SEC11A: variants seen among roughly 807,000 people sequenced by gnomAD.
SEC11A encodes the protein signal peptidase complex catalytic subunit SEC11A.
SEC11A carries 14 observed loss-of-function variants against 25.6 expected under a neutral mutation model. That is an observed-to-expected ratio of 0.55 (90% CI 0.36 to 0.85). SEC11A has a LOEUF of 0.85. Ranked by LOEUF, SEC11A falls within the 40% of genes least tolerant of loss-of-function variation. The probability of loss-of-function intolerance (pLI) is 0.01; values close to 1 mark genes in which losing one functional copy is unlikely to be tolerated. For missense variants in SEC11A, 153 were observed against 222.9 expected (o/e 0.69, Z 2.00); for synonymous variants, 83 against 76.4 (o/e 1.09, Z -0.45).
At chr15:84,694,991 G>A (rs1204710901) in intron 1 of SEC11A, among the ~76,000 whole-genome samples, 1 of 149,032 alleles carries the variant, frequency 6.7e-6, no homozygotes, top group Non-Finnish European at 1.5e-5. Flanking sequence ...TCGGGAGGCT[G>A]AGGCAGGAGA....
rs202238874 is a variant in SEC11A at position 84,670,023 on chromosome 15, T to A, written c.536A>T (p.Glu179Val). The A allele has an allele frequency of 6.2e-7, 1 of 1,613,680 alleles. No homozygotes were observed. The part of the protein sequence containing the change: ...LLGLFVLVHR[E>V] ...AGGAACAGCAAGGCAGGCTTCTTACTCACGATGAACCAGCACGAATAAACC... is the reference window on the plus strand; with the variant it reads ...AGGAACAGCAAGGCAGGCTTCTTACACACGATGAACCAGCACGAATAAACC... The change falls in exon 6 of 6, where the codon GAG becomes GTG. Residue 179 changes from glutamate (E) to valine (V), a missense_variant. Glu to Val is a moderately radical substitution (Grantham distance 121). Transcript: ENST00000268220.
chr15:84,707,998 A>T (rs1898146834), intron 1 of SEC11A, among the ~76,000 whole-genome samples: 2 of 152,142 alleles, frequency 1.3e-5, no homozygotes, highest in African/African-American at 4.8e-5. Flanking sequence ...ACTTGAGGTC[A>T]GGAGTTCAAG....
At chr15:84,707,647 G>A (rs1357655878) in intron 1 of SEC11A, among the ~76,000 whole-genome samples, 1 of 152,132 alleles carries the variant, frequency 6.6e-6, no homozygotes, top group East Asian at 1.9e-4. Context: ...TCTTCCTTGA[G>A]CAGAAAAGAT....
At chr15:84,706,771 A>C (rs1168910106) in intron 1 of SEC11A, among the ~76,000 whole-genome samples, 2 of 152,252 alleles carry the variant, frequency 1.3e-5, no homozygotes, top group Non-Finnish European at 2.9e-5. Context: ...TGGTTAAGCT[A>C]GAAGTAGGTT....
chr15:84,674,703 T>G (rs867376051), intron 4 of SEC11A, among the ~76,000 whole-genome samples: 4 of 152,138 alleles, frequency 2.6e-5, no homozygotes, highest in Middle Eastern at 3.4e-3. Flanking sequence ...GGACTACAAG[T>G]GCACGCCACC....
At chr15:84,675,771 AAAG>A (rs1229411355) in intron 4 of SEC11A, among the ~76,000 whole-genome samples, 3 of 152,232 alleles carry the variant, frequency 2.0e-5, no homozygotes, top group African/African-American at 7.2e-5. Flanking sequence ...CTGAGTTTAG[AAAG>A]AAATCACCTT....
chr15:84,687,491 G>T, intron 3 of SEC11A, 134 bp downstream of exon 3: 1 of 590,654 alleles, frequency 1.7e-6, no homozygotes, highest in Non-Finnish European at 2.8e-6. Flanking sequence ...AAACTTTCCA[G>T]CATTCATAAA....
At chr15:84,701,643 A>G (rs1897945867) in intron 1 of SEC11A, among the ~76,000 whole-genome samples, 1 of 152,210 alleles carries the variant, frequency 6.6e-6, no homozygotes, top group Non-Finnish European at 1.5e-5. Flanking sequence ...CTGCCTACAA[A>G]AAATGCACTT....
At chr15:84,715,960 GC>G in intron 1 of SEC11A, 64 bp downstream of exon 1, 1 of 1,484,564 alleles carries the variant, frequency 6.7e-7, no homozygotes, top group Non-Finnish European at 9.3e-7. Flanking sequence ...GGTCCGCCGG[GC>G]CCCGCAGCAG....
intron 3 of SEC11A, 55 bp downstream of exon 3, chr15:84,687,570 C>A: frequency 6.9e-7 from 1 of 1,441,238 alleles, no homozygotes. Context: ...AACTAAATAC[C>A]ACAAACACTT....
chr15:84,696,290 G>A (rs1006376701), intron 1 of SEC11A, among the ~76,000 whole-genome samples: 1 of 152,170 alleles, frequency 6.6e-6, no homozygotes, highest in African/African-American at 2.4e-5. Flanking sequence ...TTTCAAGATG[G>A]TGGCTTTTTA....
At chr15:84,673,430 G>GA (rs1178052868) in intron 4 of SEC11A, 34,346 of 144,016 alleles carry the variant, frequency 0.24, 4,307 homozygotes, top group Middle Eastern at 0.36. Context: ...TCTGCCTTGG[G>GA]AAAAAAAAAA....
intron 3 of SEC11A, chr15:84,685,801 T>TTC (rs2141886760): frequency 1.2e-5 from 1 of 86,600 alleles, no homozygotes; most frequent in South Asian, 3.7e-4. Flanking sequence ...AAATTTCTTT[T>TTC]TTTTTTTTTT....
intron 3 of SEC11A, among the ~76,000 whole-genome samples, chr15:84,681,367 C>T (rs538015247): frequency 9.2e-5 from 14 of 152,340 alleles, no homozygotes; most frequent in South Asian, 4.1e-4. Flanking sequence ...CGGTGGCTCA[C>T]GCCTGTAATC....
chr15:84,695,592 C>T (rs564804973), intron 1 of SEC11A, among the ~76,000 whole-genome samples: 1 of 152,330 alleles, frequency 6.6e-6, no homozygotes, highest in East Asian at 1.9e-4. Flanking sequence ...GATTGCCCCA[C>T]TGCATTCTAG....
intron 1 of SEC11A, among the ~76,000 whole-genome samples, chr15:84,694,053 T>C (rs1242712823): frequency 6.6e-6 from 1 of 152,006 alleles, no homozygotes; most frequent in African/African-American, 2.4e-5. Context: ...TTCCAAAAAA[T>C]GCATAGAAAA....
intron 4 of SEC11A, among the ~76,000 whole-genome samples, chr15:84,674,077 T>C (rs1237652232): frequency 1.3e-5 from 2 of 152,036 alleles, no homozygotes; most frequent in Non-Finnish European, 2.9e-5. Flanking sequence ...AGGTGTGTGA[T>C]GGCAAATAAT....
At chr15:84,694,446 ACATT>A (rs1418792987) in intron 1 of SEC11A, among the ~76,000 whole-genome samples, 1 of 152,142 alleles carries the variant, frequency 6.6e-6, no homozygotes, top group Non-Finnish European at 1.5e-5. Context: ...TTGATCATCT[ACATT>A]TTCTACTTCC....
chr15:84,693,050 T>C (rs1048557244), intron 1 of SEC11A, among the ~76,000 whole-genome samples: 6 of 152,146 alleles, frequency 3.9e-5, no homozygotes, highest in African/African-American at 1.4e-4. Flanking sequence ...CTTGAACTCC[T>C]GGGCTCAAGC....
Sources: allele counts gnomAD v4.1 joint callset (sites outside exome capture counted in the v4.1 genomes callset), GRCh38; gene constraint gnomAD v4.1.1; transcripts MANE v1.5; gene names NCBI Gene and HGNC (gene_info 2026-07-23, HGNC 2026-07-21).